TTC29: variants seen among roughly 807,000 people sequenced by gnomAD.
TTC29 encodes tetratricopeptide repeat domain 29, also known as tetratricopeptide repeat protein 29.
TTC29 carries 49 observed loss-of-function variants against 58.1 expected under a neutral mutation model. That is an observed-to-expected ratio of 0.84 (90% confidence interval 0.67 to 1.07). TTC29 has a LOEUF of 1.07. Ranked by LOEUF, TTC29 falls within the 50% of genes least tolerant of loss-of-function variation. The probability of loss-of-function intolerance (pLI) is 0.00; values close to 1 mark genes in which losing one functional copy is unlikely to be tolerated. For missense variants in TTC29, 582 were observed against 555.6 expected, an observed-to-expected ratio of 1.05 and a Z score of -0.48; for synonymous variants, 209 against 196.8, an observed-to-expected ratio of 1.06 and a Z score of -0.52.
intron 2 of TTC29, among the ~76,000 whole-genome samples, chr4:146,941,826 G>A (rs1156983115): frequency 3.9e-5 from 6 of 152,136 alleles, no homozygotes; most frequent in Non-Finnish European, 7.3e-5. Context: ...TGGGGGAAAG[G>A]GTAGACAGCA....
chr4:146,885,286 T>A lies in TTC29; in HGVS notation c.587-10358A>T, dbSNP rs556914416. On this transcript the variant is annotated intron_variant, in intron 6 of 12. Transcript: ENST00000325106. ...GCAAAAATAAAATGCAATATAAGTT[T>A]ACTTATTTTGAGGGCAAAAATATAT... is the stretch of plus-strand genomic sequence containing the variant. Among the ~76,000 whole-genome samples the A allele has an allele frequency of 2.0e-4, 31 of 152,144 alleles. 1 individual carries two copies. In the South Asian group the frequency reaches 3.1e-3, roughly 15 times the overall value.
At chr4:146,745,674 T>C (rs575305327) in intron 11 of TTC29, among the ~76,000 whole-genome samples, 11 of 152,356 alleles carry the variant, frequency 7.2e-5, no homozygotes, top group African/African-American at 2.6e-4. Flanking sequence ...TCAGTTCTTC[T>C]GATACACACT....
intron 8 of TTC29, among the ~76,000 whole-genome samples, chr4:146,853,520 C>T (rs1359003322): frequency 2.0e-5 from 3 of 151,900 alleles, no homozygotes; most frequent in African/African-American, 4.8e-5. Context: ...TTTACATTTA[C>T]TTTTTTTCTG....
intron 3 of TTC29, among the ~76,000 whole-genome samples, chr4:146,937,947 T>C (rs1021259224): frequency 6.6e-6 from 1 of 152,136 alleles, no homozygotes; most frequent in Non-Finnish European, 1.5e-5. Context: ...AAGAGTCTTC[T>C]CAAAGCTTAC....
intron 9 of TTC29, among the ~76,000 whole-genome samples, chr4:146,832,641 TTGTGTGTG>T (rs201136243): frequency 3.4e-5 from 5 of 149,188 alleles, no homozygotes; most frequent in Non-Finnish European, 7.5e-5. Context: ...CCAACTAATT[TTGTGTGTG>T]TGTGTGTGTG....
chr4:146,785,665 A>ATGAT (rs1450106793), intron 11 of TTC29, among the ~76,000 whole-genome samples: 7 of 152,158 alleles, frequency 4.6e-5, no homozygotes, highest in Non-Finnish European at 1.0e-4. Flanking sequence ...CATTTTCCAA[A>ATGAT]TGATTAAACT....
At chr4:146,838,061 T>G (rs954135530) in intron 8 of TTC29, among the ~76,000 whole-genome samples, 3 of 152,044 alleles carry the variant, frequency 2.0e-5, no homozygotes, top group African/African-American at 7.2e-5. Flanking sequence ...TCCAATAGTT[T>G]CAGTGAGTAA....
chr4:146,754,757 G>C (rs1280210999), intron 11 of TTC29, among the ~76,000 whole-genome samples: 1 of 151,832 alleles, frequency 6.6e-6, no homozygotes, highest in East Asian at 1.9e-4. Context: ...TTTGTGTATA[G>C]AAGGAAAGTA....
chr4:146,735,369 G>T (rs939224634), intron 11 of TTC29, among the ~76,000 whole-genome samples: 13 of 152,142 alleles, frequency 8.5e-5, no homozygotes, highest in Non-Finnish European at 1.6e-4. Context: ...TACTAAAATG[G>T]ATTATGAGAG....
chr4:146,932,107 T>C (rs917541261), intron 4 of TTC29, among the ~76,000 whole-genome samples: 4 of 152,174 alleles, frequency 2.6e-5, no homozygotes, highest in Non-Finnish European at 5.9e-5. Context: ...TCGAAGACAA[T>C]GCCAGAATTT....
intron 6 of TTC29, among the ~76,000 whole-genome samples, chr4:146,894,386 T>C (rs1361809413): frequency 6.6e-6 from 1 of 151,900 alleles, no homozygotes; most frequent in Non-Finnish European, 1.5e-5. Context: ...TGTAGGGACA[T>C]GGATGAAGCT....
chr4:146,862,732 G>A (rs1730316715), intron 8 of TTC29, among the ~76,000 whole-genome samples: 1 of 152,150 alleles, frequency 6.6e-6, no homozygotes, highest in Non-Finnish European at 1.5e-5. Context: ...CAACTGCAAA[G>A]GCTACTGGAT....
chr4:146,764,892 C>T (rs756908524), intron 11 of TTC29, among the ~76,000 whole-genome samples: 2 of 150,538 alleles, frequency 1.3e-5, no homozygotes, highest in Non-Finnish European at 3.0e-5. Context: ...ACAGCAACTG[C>T]GAAGAGAGTT....
intron 10 of TTC29, among the ~76,000 whole-genome samples, chr4:146,814,022 T>C (rs1751207258): frequency 6.6e-6 from 1 of 152,124 alleles, no homozygotes; most frequent in South Asian, 2.1e-4. Context: ...AATAGAAGTC[T>C]GAACTTTCAC....
chr4:146,861,692 A>G (rs1415279489), intron 8 of TTC29, among the ~76,000 whole-genome samples: 2 of 152,204 alleles, frequency 1.3e-5, no homozygotes, highest in East Asian at 3.8e-4. Flanking sequence ...CCATTAAGAT[A>G]CATTAGCAAA....
chr4:146,797,162 T>C (rs1332635783), intron 11 of TTC29, among the ~76,000 whole-genome samples: 3 of 152,214 alleles, frequency 2.0e-5, no homozygotes, highest in Non-Finnish European at 4.4e-5. Context: ...AGGCTGGCAG[T>C]TGTCTGCCTG....
At chr4:146,894,922 T>C (rs1732663537) in intron 6 of TTC29, among the ~76,000 whole-genome samples, 1 of 152,160 alleles carries the variant, frequency 6.6e-6, no homozygotes, top group Non-Finnish European at 1.5e-5. Context: ...CATGGTGGTT[T>C]ACTGTACAGA....
intron 11 of TTC29, among the ~76,000 whole-genome samples, chr4:146,724,765 C>T (rs1422172665): frequency 5.3e-5 from 8 of 152,096 alleles, no homozygotes; most frequent in Non-Finnish European, 1.0e-4. Context: ...CCGCCTGCCT[C>T]GGCCTCCCAA....
Position 146,782,489 on chromosome 4 carries a change from T to C in TTC29, c.1330+20968A>G, listed in dbSNP as rs1248612073. Among the ~76,000 whole-genome samples, 6 of 152,060 alleles carry C rather than the reference T, an allele frequency of 3.9e-5. No individual in the cohort carries two copies. In the East Asian group the frequency reaches 9.6e-4, roughly 24 times the overall value. ...TACTTAAGGAATGAAATGTTTATCTTGTAGCAAGTTTTCTGGCATTACTCT... is the reference window on the plus strand; with the variant it reads ...TACTTAAGGAATGAAATGTTTATCTCGTAGCAAGTTTTCTGGCATTACTCT... On this transcript the variant is annotated intron_variant, in intron 11 of 12. Coordinates refer to ENST00000325106, the MANE Select transcript of TTC29 (RefSeq NM_031956.4).
Sources: gnomAD v4.1 joint callset for allele counts (sites outside exome capture counted in the v4.1 genomes callset) on GRCh38, gnomAD v4.1.1 for gene constraint, MANE v1.5 for transcripts, NCBI Gene and HGNC (gene_info 2026-07-23, HGNC 2026-07-21) for gene names.